The following UNC5D variants were observed in gnomAD, a reference collection of about 807,000 sequenced individuals.
The protein encoded by UNC5D is unc-5 netrin receptor D, also known as netrin receptor UNC5D.
Under a neutral mutation model 105.4 loss-of-function variants are expected in UNC5D, and 39 were observed. That is an observed-to-expected ratio of 0.37 (90% CI 0.29 to 0.48). UNC5D has a LOEUF of 0.48. Ranked by LOEUF, UNC5D falls within the 20% of genes least tolerant of loss-of-function variation. The pLI is 0.98. For missense variants in UNC5D, 991 were observed against 1,202.4 expected (o/e 0.82, Z 2.60); for synonymous variants, 452 against 450.4 (o/e 1.00, Z -0.04).
At chr8:35,532,805 C>T (rs1358141638) in intron 1 of UNC5D, among the ~76,000 whole-genome samples, 35 of 112,410 alleles carry the variant, frequency 3.1e-4, no homozygotes, top group African/African-American at 1.0e-3. Flanking sequence ...TTTCATCTTC[C>T]ATTGCTGATA....
At chr8:35,651,991 G>A (rs1030355094) in intron 4 of UNC5D, among the ~76,000 whole-genome samples, 1 of 152,146 alleles carries the variant, frequency 6.6e-6, no homozygotes, top group Non-Finnish European at 1.5e-5. Flanking sequence ...TGGTGCCAAT[G>A]TATAGGTGAT....
chr8:35,240,890 T>C (rs937609961), intron 1 of UNC5D, among the ~76,000 whole-genome samples: 4 of 152,224 alleles, frequency 2.6e-5, no homozygotes, highest in African/African-American at 7.2e-5. Flanking sequence ...TACTTTGGGA[T>C]TGGATTCACA....
chr8:35,697,226 A>G (rs750542169), intron 7 of UNC5D, among the ~76,000 whole-genome samples: 3 of 152,032 alleles, frequency 2.0e-5, no homozygotes, highest in Non-Finnish European at 4.4e-5. Context: ...CATTGCAGCT[A>G]TATATTTACC....
At chr8:35,473,981 A>G (rs987070481) in intron 1 of UNC5D, among the ~76,000 whole-genome samples, 6 of 152,204 alleles carry the variant, frequency 3.9e-5, no homozygotes, top group Admixed American at 1.3e-4. Context: ...CTCATAAGGA[A>G]CCCACTCCTG....
chr8:35,312,174 G>T (rs1472176779), intron 1 of UNC5D, among the ~76,000 whole-genome samples: 1 of 152,084 alleles, frequency 6.6e-6, no homozygotes, highest in East Asian at 1.9e-4. Flanking sequence ...ATGCCTCCTT[G>T]TCATCACCCG....
chr8:35,237,392 CTT>C (rs1802543673), intron 1 of UNC5D, among the ~76,000 whole-genome samples: 1 of 151,952 alleles, frequency 6.6e-6, no homozygotes, highest in Non-Finnish European at 1.5e-5. Context: ...TTAATACACT[CTT>C]ATGGGAAAAG....
At chr8:35,758,673 G>A (rs1165439614) in intron 13 of UNC5D, among the ~76,000 whole-genome samples, 1 of 152,154 alleles carries the variant, frequency 6.6e-6, no homozygotes, top group East Asian at 1.9e-4. Flanking sequence ...ATTACGTAAA[G>A]ATTTTTCAGT....
intron 15 of UNC5D, among the ~76,000 whole-genome samples, chr8:35,772,899 C>T (rs1263178754): frequency 6.6e-6 from 1 of 151,284 alleles, no homozygotes; most frequent in Non-Finnish European, 1.5e-5. Flanking sequence ...CCAGAGGTCA[C>T]TCAGCTCCCA....
At chr8:35,739,101 T>C (rs1829617217) in intron 11 of UNC5D, among the ~76,000 whole-genome samples, 1 of 152,080 alleles carries the variant, frequency 6.6e-6, no homozygotes, top group Admixed American at 6.5e-5. Flanking sequence ...ATTTAGGAAA[T>C]ACATTAATTC....
intron 1 of UNC5D, among the ~76,000 whole-genome samples, chr8:35,408,555 G>A (rs781550162): frequency 2.6e-5 from 4 of 151,246 alleles, no homozygotes; most frequent in Non-Finnish European, 4.4e-5. Flanking sequence ...TTCTGCTGAC[G>A]TTTCGCTGCT....
chr8:35,770,623 T>C (rs1185244479), intron 15 of UNC5D, among the ~76,000 whole-genome samples: 7 of 152,184 alleles, frequency 4.6e-5, no homozygotes, highest in South Asian at 4.1e-4. Context: ...CAGTCTAAAA[T>C]TGCAGACTGG....
intron 3 of UNC5D, among the ~76,000 whole-genome samples, chr8:35,578,055 T>C (rs997714917): frequency 1.3e-5 from 2 of 151,800 alleles, no homozygotes; most frequent in Non-Finnish European, 2.9e-5. Context: ...TGAAACCTCA[T>C]CTCTACTAAA....
intron 1 of UNC5D, among the ~76,000 whole-genome samples, chr8:35,419,427 A>G (rs1025758054): frequency 2.0e-4 from 31 of 152,180 alleles, no homozygotes; most frequent in African/African-American, 7.5e-4. Context: ...GGCTGGTCCC[A>G]GCATGCTGTG....
At chr8:35,251,948 A>G (rs1452739144) in intron 1 of UNC5D, among the ~76,000 whole-genome samples, 1 of 152,070 alleles carries the variant, frequency 6.6e-6, no homozygotes, top group Non-Finnish European at 1.5e-5. Context: ...ATTGTAGGAA[A>G]TATAGCATAG....
In UNC5D at chr8:35,746,241, C is replaced by T. The variant is rs1830001676; in HGVS notation, c.1767-2286C>T. The stretch of plus-strand genomic sequence containing the variant: ...CCTGCCATCACCTTGATTGACTCCT[C>T]TGTGACCTTATGCTGTTAACACCTG... On this transcript the variant is annotated intron_variant, in intron 11 of 16. Transcript: ENST00000404895. 3.3e-5 allele frequency among the ~76,000 whole-genome samples: 5 copies of T among 152,210 alleles called. 1 individual carries two copies. In the South Asian group the frequency reaches 1.0e-3, roughly 32 times the overall value.
chr8:35,748,512 T>G lies in UNC5D; in HGVS notation c.1767-15T>G. The G allele has an allele frequency of 6.2e-7, 1 of 1,609,762 alleles. No individual in the cohort carries two copies. The highest frequency in any genetic ancestry group is 8.5e-7 in the Non-Finnish European group (1 of 1,178,500). ...CTACATACTTCTCTCTTCTATCCTTTTTTCAACTGTGAAGCCTCCAGTCAG... is the reference window on the plus strand; with the variant it reads ...CTACATACTTCTCTCTTCTATCCTTGTTTCAACTGTGAAGCCTCCAGTCAG... On this transcript the variant is annotated splice_polypyrimidine_tract_variant and intron_variant, in intron 11 of 16. Coordinates refer to ENST00000404895, the MANE Select transcript of UNC5D (RefSeq NM_080872.4).
At chr8:35,587,965 A>AATAATATATATATATATAT (rs1818897786) in intron 3 of UNC5D, among the ~76,000 whole-genome samples, 1 of 105,116 alleles carries the variant, frequency 9.5e-6, no homozygotes, top group East Asian at 3.3e-4. Flanking sequence ...TAACTATAAT[A>AATAATATATATATATATAT]ATATATATAT....
intron 4 of UNC5D, among the ~76,000 whole-genome samples, chr8:35,598,444 T>A (rs924744689): frequency 6.6e-6 from 1 of 152,166 alleles, no homozygotes; most frequent in Non-Finnish European, 1.5e-5. Context: ...TGCACACTGT[T>A]GGTGGGAATG....
intron 7 of UNC5D, among the ~76,000 whole-genome samples, chr8:35,696,468 G>A (rs757396195): frequency 1.3e-5 from 2 of 151,750 alleles, no homozygotes; most frequent in South Asian, 2.1e-4. Context: ...ACAAAACCCC[G>A]GGTAAGAAAT....
Sources: gnomAD v4.1 joint callset for allele counts (sites outside exome capture counted in the v4.1 genomes callset) on GRCh38, gnomAD v4.1.1 for gene constraint, MANE v1.5 for transcripts, NCBI Gene and HGNC (gene_info 2026-07-23, HGNC 2026-07-21) for gene names.